The following LIN28B variants were observed in gnomAD, a reference collection of about 807,000 sequenced individuals.
LIN28B encodes protein lin-28 homolog B.
LIN28B carries 5 observed loss-of-function variants against 21.9 expected under a neutral mutation model. That is an observed-to-expected ratio of 0.23 (90% CI 0.12 to 0.48). LIN28B has a LOEUF of 0.48. Among genes scored for constraint, LIN28B ranks in the 20% least tolerant of loss-of-function variants. The pLI, the probability that LIN28B is intolerant of heterozygous loss-of-function variation, is 0.98. For synonymous variants in LIN28B, 109 were observed against 111.3 expected (o/e 0.98, Z 0.13); for missense variants, 245 against 310.5 (o/e 0.79, Z 1.58).
intron 1 of LIN28B, 102 bp downstream of exon 1, chr6:104,957,362 T>G: frequency 5.3e-6 from 3 of 565,324 alleles, no homozygotes; most frequent in Non-Finnish European, 8.8e-6. Context: ...CTTCCCCTTT[T>G]ACCCCAATAC....
intron 3 of LIN28B, among the ~76,000 whole-genome samples, chr6:105,062,931 T>C (rs1312850105): frequency 6.6e-6 from 1 of 152,164 alleles, no homozygotes; most frequent in Admixed American, 6.5e-5. Context: ...TGTCCACTTA[T>C]GAGCCATATT....
chr6:104,957,297 TTTC>T (rs754053931), intron 1 of LIN28B, 37 bp downstream of exon 1: 2 of 1,476,638 alleles, frequency 1.4e-6, no homozygotes, highest in Non-Finnish European at 1.9e-6. Flanking sequence ...TGTGAATTTC[TTTC>T]TTCTTTTCTC....
chr6:105,051,176 C>T (rs1030413231), intron 3 of LIN28B, among the ~76,000 whole-genome samples: 4 of 151,728 alleles, frequency 2.6e-5, no homozygotes, highest in African/African-American at 7.3e-5. Context: ...CACAGTGGCT[C>T]ATGCCTGTAA....
At chr6:104,952,006 C>T (rs1418242546) in intron 3 of LIN28B, among the ~76,000 whole-genome samples, 3 of 152,220 alleles carry the variant, frequency 2.0e-5, no homozygotes, top group African/African-American at 7.2e-5. Flanking sequence ...CCCTGCCACT[C>T]TTCTTTCCTT....
intron 3 of LIN28B, among the ~76,000 whole-genome samples, chr6:105,059,334 G>A (rs1240198504): frequency 6.6e-6 from 1 of 151,996 alleles, no homozygotes; most frequent in African/African-American, 2.4e-5. Context: ...ATTAAATAGT[G>A]GATTTCCTGA....
intron 2 of LIN28B, among the ~76,000 whole-genome samples, chr6:104,978,679 G>A (rs1228898260): frequency 6.6e-6 from 1 of 152,006 alleles, no homozygotes; most frequent in African/African-American, 2.4e-5. Context: ...AGGTAAGTGG[G>A]ACTAACCACA....
At chr6:104,989,442 C>T (rs925769892) in intron 2 of LIN28B, among the ~76,000 whole-genome samples, 8 of 152,062 alleles carry the variant, frequency 5.3e-5, no homozygotes, top group African/African-American at 1.9e-4. Flanking sequence ...AGGCTAGTCT[C>T]AATCTCTTGG....
chr6:104,992,070 G>GT (rs769165536), intron 2 of LIN28B, among the ~76,000 whole-genome samples: 10,884 of 144,478 alleles, frequency 0.075, 488 homozygotes, highest in Middle Eastern at 0.13. Flanking sequence ...TTCACATCTT[G>GT]TTTTTTTTTT....
chr6:105,020,936 TA>T (rs1771128489), intron 2 of LIN28B, among the ~76,000 whole-genome samples: 1 of 151,472 alleles, frequency 6.6e-6, no homozygotes, highest in Non-Finnish European at 1.5e-5. Context: ...TTTGTATTTT[TA>T]GTAGAAATGG....
chr6:105,067,787 T>G (rs1772248041), intron 3 of LIN28B, among the ~76,000 whole-genome samples: 1 of 152,200 alleles, frequency 6.6e-6, no homozygotes, highest in Non-Finnish European at 1.5e-5. Flanking sequence ...CCAAGTACTT[T>G]TAAACATAAT....
intron 2 of LIN28B, among the ~76,000 whole-genome samples, chr6:104,987,408 G>A (rs1444717918): frequency 6.6e-6 from 1 of 152,128 alleles, no homozygotes; most frequent in Non-Finnish European, 1.5e-5. Flanking sequence ...CACTCAGGCT[G>A]GAATGCAGTG....
At chr6:104,950,801 A>G (rs566115281) in intron 3 of LIN28B, among the ~76,000 whole-genome samples, 76 of 152,182 alleles carry the variant, frequency 5.0e-4, no homozygotes, top group African/African-American at 1.6e-3. Flanking sequence ...AGCAGCATAG[A>G]TAACAGATAT....
At chr6:105,034,859 G>A (rs1157714947) in intron 3 of LIN28B, among the ~76,000 whole-genome samples, 1 of 151,962 alleles carries the variant, frequency 6.6e-6, no homozygotes, top group East Asian at 1.9e-4. Context: ...TTGGGATTAC[G>A]AGAATCAGTG....
chr6:105,078,955 G>T lies in LIN28B; in HGVS notation c.*172G>T. 5.9e-6 allele frequency: 4 copies of T among 674,924 alleles called. No individual in the cohort carries two copies. The South Asian group carries it at 6.2e-5, about 11-fold the overall frequency. The allele number at this position is 674,924 out of a possible 1,614,324, so 41.8% of individuals were successfully genotyped here. A position where few individuals can be genotyped will look rare whatever the true frequency, so the allele number is the denominator to read the frequency against. On this transcript the variant is annotated 3_prime_UTR_variant, in exon 4 of 4. Coordinates refer to ENST00000345080, the MANE Select transcript of LIN28B (RefSeq NM_001004317.4). ...TCTAAGCAAATTACATTTGAGCAGG[G>T]TGTCATGTTTTATGTTAATTCAGAG...
At chr6:105,002,323 T>A (rs1770736045) in intron 2 of LIN28B, among the ~76,000 whole-genome samples, 1 of 152,088 alleles carries the variant, frequency 6.6e-6, no homozygotes. Context: ...AAATACATTT[T>A]AAAATAATAT....
chr6:105,070,684 G>A (rs1772316772), intron 3 of LIN28B, among the ~76,000 whole-genome samples: 1 of 147,716 alleles, frequency 6.8e-6, no homozygotes, highest in Non-Finnish European at 1.5e-5. Flanking sequence ...AGAGTCTGAG[G>A]TAGAGGATGA....
intron 2 of LIN28B, among the ~76,000 whole-genome samples, chr6:104,989,383 T>G (rs1472935724): frequency 6.6e-6 from 1 of 152,006 alleles, no homozygotes; most frequent in African/African-American, 2.4e-5. Flanking sequence ...CCACCATGGC[T>G]GACTAATTTT....
upstream of LIN28B, among the ~76,000 whole-genome samples, chr6:104,956,682 A>G (rs189525668): frequency 5.6e-4 from 86 of 152,268 alleles, no homozygotes; most frequent in African/African-American, 2.0e-3. Context: ...GTTTACTGCC[A>G]TGGAATAGCT....
intron 3 of LIN28B, among the ~76,000 whole-genome samples, chr6:105,028,519 A>G (rs1157178402): frequency 6.6e-6 from 1 of 152,168 alleles, no homozygotes; most frequent in Non-Finnish European, 1.5e-5. Context: ...TTTTGAAGGA[A>G]GAGACCATAG....
Sources: gnomAD v4.1 joint callset for allele counts (sites outside exome capture counted in the v4.1 genomes callset) on GRCh38, gnomAD v4.1.1 for gene constraint, MANE v1.5 for transcripts, NCBI Gene and HGNC (gene_info 2026-07-23, HGNC 2026-07-21) for gene names.